Variants in HMBOX1 observed in about 807,000 individuals in gnomAD.
HMBOX1 encodes homeobox containing 1, also known as homeobox-containing protein 1.
Under a neutral mutation model 54.5 loss-of-function variants are expected in HMBOX1, and 14 were observed. The observed-to-expected ratio is 0.26, with a 90% CI of 0.17 to 0.40. The LOEUF is 0.40. HMBOX1 is among the 10% of genes least tolerant of loss of function. The pLI is 1.00. For missense variants in HMBOX1, 332 were observed against 514.4 expected, an observed-to-expected ratio of 0.65 and a Z score of 3.43; for synonymous variants, 160 against 181.0, an observed-to-expected ratio of 0.88 and a Z score of 0.93.
At chr8:29,039,583 A>G (rs1804512455) in intron 6 of HMBOX1, among the ~76,000 whole-genome samples, 1 of 152,084 alleles carries the variant, frequency 6.6e-6, no homozygotes. Context: ...CATTTATTCA[A>G]CCATCTGTTG....
At chr8:28,918,074 A>G (rs1816880115) in intron 1 of HMBOX1, among the ~76,000 whole-genome samples, 1 of 152,082 alleles carries the variant, frequency 6.6e-6, no homozygotes, top group Non-Finnish European at 1.5e-5. Flanking sequence ...GATTGCCATT[A>G]TTTCTTCATT....
At chr8:28,926,282 GAT>G (rs111417034) in intron 1 of HMBOX1, among the ~76,000 whole-genome samples, 5,525 of 144,638 alleles carry the variant, frequency 0.038, 98 homozygotes, top group East Asian at 0.059. Context: ...ATTCATGGCA[GAT>G]ATATATATAT....
intron 5 of HMBOX1, chr8:29,010,238 C>G: frequency 8.1e-6 from 5 of 618,516 alleles, no homozygotes; most frequent in East Asian, 1.4e-4. Context: ...ACAGTAGACA[C>G]CTGTTTACTC....
In HMBOX1 at chr8:29,048,982, A is replaced by G; in HGVS notation, c.1059A>G (p.Ile353Met). 6.2e-7 allele frequency: 1 copy of G among 1,613,562 alleles called. No individual in the cohort carries two copies. Among genetic ancestry groups the G allele is most frequent in the Non-Finnish European group, 8.5e-7 (1 of 1,179,610 alleles). The part of the protein sequence containing the change: ...IEAAILESHG[I>M]DVQSPGGHSN... ...CAGCAATCCTGGAGAGTCATGGGAT[A>G]GATGTGCAGAGTCCAGGAGGCCACT... is the stretch of plus-strand genomic sequence containing the variant. The change falls in exon 9 of 10, where the codon ATA becomes ATG. Residue 353 changes from isoleucine (I) to methionine (M), a missense_variant. Ile to Met is a conservative substitution (Grantham distance 10). This residue lies in a region of HMBOX1 where 69 missense variants were observed against 104.6 expected (regional missense o/e 0.66). Transcript: ENST00000287701.
chr8:28,918,462 C>T (rs1255723086), intron 1 of HMBOX1, among the ~76,000 whole-genome samples: 1 of 152,194 alleles, frequency 6.6e-6, no homozygotes, highest in East Asian at 1.9e-4. Flanking sequence ...CTTGGCCTCC[C>T]AAAGTGTTGG....
intron 1 of HMBOX1, among the ~76,000 whole-genome samples, chr8:28,893,836 A>T (rs1811523958): frequency 6.6e-6 from 1 of 152,200 alleles, no homozygotes; most frequent in Admixed American, 6.5e-5. Context: ...TGTACACTGT[A>T]TTCAGCACAT....
chr8:29,006,708 C>A (rs549591271), intron 4 of HMBOX1, among the ~76,000 whole-genome samples: 11 of 152,128 alleles, frequency 7.2e-5, no homozygotes, highest in South Asian at 6.2e-4. Flanking sequence ...AACTAATGTC[C>A]GTTTGATGAG....
chr8:28,912,662 T>C (rs946839522), intron 1 of HMBOX1, among the ~76,000 whole-genome samples: 9 of 152,218 alleles, frequency 5.9e-5, no homozygotes, highest in Non-Finnish European at 1.3e-4. Flanking sequence ...TTCTGTGTTT[T>C]GGGTTTTCTT....
At chr8:29,012,300 A>G (rs1288656414) in intron 5 of HMBOX1, among the ~76,000 whole-genome samples, 1 of 152,340 alleles carries the variant, frequency 6.6e-6, no homozygotes, top group Non-Finnish European at 1.5e-5. Context: ...ATGTTAGCTT[A>G]TAGGACAGCA....
intron 5 of HMBOX1, among the ~76,000 whole-genome samples, chr8:29,011,548 C>T (rs748472756): frequency 1.9e-4 from 29 of 152,106 alleles, no homozygotes; most frequent in Non-Finnish European, 3.7e-4. Context: ...ACTGGAGTTT[C>T]GGGGCTGGGC....
intron 2 of HMBOX1, among the ~76,000 whole-genome samples, chr8:28,966,212 A>C (rs770718858): frequency 1.3e-5 from 2 of 152,230 alleles, no homozygotes; most frequent in Non-Finnish European, 2.9e-5. Context: ...GTTTAGGTAC[A>C]TATTCAAGTC....
At chr8:28,989,224 A>T (rs1586308669) in intron 4 of HMBOX1, among the ~76,000 whole-genome samples, 1 of 151,862 alleles carries the variant, frequency 6.6e-6, no homozygotes, top group African/African-American at 2.4e-5. Flanking sequence ...GTGAGCCGAG[A>T]TTGTGCCGTT....
chr8:29,022,033 T>C (rs1327641828), intron 6 of HMBOX1, among the ~76,000 whole-genome samples: 2 of 152,102 alleles, frequency 1.3e-5, no homozygotes, highest in Non-Finnish European at 1.5e-5. Flanking sequence ...CTTGTAGAAA[T>C]GCAAAATGAA....
At chr8:29,033,768 C>T (rs1037615174) in intron 6 of HMBOX1, among the ~76,000 whole-genome samples, 15 of 152,056 alleles carry the variant, frequency 9.9e-5, no homozygotes, top group African/African-American at 3.1e-4. Context: ...GTTCTGTGGC[C>T]GCAGTTTACA....
chr8:28,912,528 T>A lies in HMBOX1; in HGVS notation c.-58+21850T>A, dbSNP rs1321798228. Among the ~76,000 whole-genome samples the A allele has an allele frequency of 2.0e-5, 3 of 152,192 alleles. 1 individual carries two copies. The highest frequency in any genetic ancestry group is 3.8e-4 in the East Asian group (2 of 5,206). ...GTATACCCTCATTAATCTCCAAAACTCTTTTTCACAATTTCGCTAAAATTC... is the reference window on the plus strand; with the variant it reads ...GTATACCCTCATTAATCTCCAAAACACTTTTTCACAATTTCGCTAAAATTC... On this transcript the variant is annotated intron_variant, in intron 1 of 9. Transcript: ENST00000287701.
In HMBOX1 at chr8:29,021,814, C is replaced by T. The variant is rs540144659; in HGVS notation, c.851+2901C>T. Among the ~76,000 whole-genome samples the T allele has an allele frequency of 4.7e-5, 7 of 147,756 alleles. No homozygotes were observed. The East Asian group carries it at 8.0e-4, about 17-fold the overall frequency. Reference sequence around the variant, plus strand: ...GGCAGAGCTTGCGGTGAGCCGAGATCGTGCCACTGCACTCGAGCCTGGGTG... The same window carrying T: ...GGCAGAGCTTGCGGTGAGCCGAGATTGTGCCACTGCACTCGAGCCTGGGTG... On this transcript the variant is annotated intron_variant, in intron 6 of 9. Transcript: ENST00000287701.
chr8:28,976,183 T>C (rs1169442212), intron 3 of HMBOX1, among the ~76,000 whole-genome samples: 1 of 152,208 alleles, frequency 6.6e-6, no homozygotes, highest in East Asian at 1.9e-4. Flanking sequence ...TGGTCTTATA[T>C]GATTACAGCA....
intron 4 of HMBOX1, 48 bp downstream of exon 4, chr8:28,980,204 C>A: frequency 7.6e-7 from 1 of 1,323,694 alleles, no homozygotes; most frequent in Non-Finnish European, 1.1e-6. Context: ...TAGTCTCTGC[C>A]TTCTGGTGCA....
intron 5 of HMBOX1, among the ~76,000 whole-genome samples, chr8:29,013,310 GT>G (rs546111652): frequency 6.6e-6 from 1 of 152,198 alleles, no homozygotes; most frequent in South Asian, 2.1e-4. Flanking sequence ...TGATTTTTGT[GT>G]TTTTAGTAGA....
Sources: gnomAD v4.1 joint callset for allele counts (sites outside exome capture counted in the v4.1 genomes callset) on GRCh38, gnomAD v4.1.1 for gene constraint, gnomAD v4.1.1 regional missense constraint, MANE v1.5 for transcripts, NCBI Gene and HGNC (gene_info 2026-07-23, HGNC 2026-07-21) for gene names.